Variants in FBXW10B observed in about 807,000 individuals in gnomAD.
FBXW10B encodes the protein F-box and WD repeat domain containing protein 10B.
the FBXW10B span, among the ~76,000 whole-genome samples, chr17:15,575,250 G>A: frequency 6.8e-6 from 1 of 146,718 alleles, no homozygotes; most frequent in South Asian, 2.1e-4. Flanking sequence ...GGGTCCTTGG[G>A]ACCCCTTTTC....
At chr17:15,615,799 T>C in the FBXW10B span, 2 of 1,613,830 alleles carry the variant, frequency 1.2e-6, no homozygotes. Context: ...CTGTGATGTC[T>C]TGATTGAGCC....
chr17:15,608,893 A>AT, the FBXW10B span, among the ~76,000 whole-genome samples: 1 of 152,160 alleles, frequency 6.6e-6, no homozygotes, highest in East Asian at 1.9e-4. Context: ...AAAGGAAATC[A>AT]TTTTATCAAG....
At chr17:15,576,518 G>C in the FBXW10B span, among the ~76,000 whole-genome samples, 5 of 152,270 alleles carry the variant, frequency 3.3e-5, no homozygotes, top group South Asian at 2.1e-4. Flanking sequence ...AGAGTGGACA[G>C]TGAAAGCTTC....
chr17:15,592,852 C>T, the FBXW10B span, among the ~76,000 whole-genome samples: 1 of 152,102 alleles, frequency 6.6e-6, no homozygotes, highest in Non-Finnish European at 1.5e-5. Flanking sequence ...CACCTGTAAT[C>T]CCAGCGCTTT....
At chr17:15,614,994 T>C in the FBXW10B span, among the ~76,000 whole-genome samples, 1 of 152,174 alleles carries the variant, frequency 6.6e-6, no homozygotes, top group Non-Finnish European at 1.5e-5. Flanking sequence ...GACTAGATGA[T>C]GGATTGTGGC....
At chr17:15,592,670 C>T in the FBXW10B span, among the ~76,000 whole-genome samples, 15 of 151,732 alleles carry the variant, frequency 9.9e-5, no homozygotes, top group Non-Finnish European at 1.2e-4. Flanking sequence ...AGTGAGGCAT[C>T]AAAGATAGCT....
the FBXW10B span, among the ~76,000 whole-genome samples, chr17:15,604,190 G>C: frequency 4.6e-5 from 7 of 151,474 alleles, no homozygotes; most frequent in Admixed American, 4.6e-4. Flanking sequence ...GTGAAAATAA[G>C]TTAATTACTG....
At chr17:15,583,297 C>A in the FBXW10B span, among the ~76,000 whole-genome samples, 2 of 128,886 alleles carry the variant, frequency 1.6e-5, no homozygotes, top group African/African-American at 2.7e-5. Flanking sequence ...TCCACCCTTT[C>A]CGCCCATCTC....
the FBXW10B span, among the ~76,000 whole-genome samples, chr17:15,611,148 C>T: frequency 1.3e-5 from 2 of 151,776 alleles, no homozygotes; most frequent in South Asian, 2.1e-4. Flanking sequence ...CTCAGCCTCC[C>T]GAGTAGATGG....
At chr17:15,589,689 C>T in the FBXW10B span, among the ~76,000 whole-genome samples, 1 of 151,988 alleles carries the variant, frequency 6.6e-6, no homozygotes, top group Admixed American at 6.6e-5. Context: ...GTTTCACAGT[C>T]TAATTAGTCA....
the FBXW10B span, among the ~76,000 whole-genome samples, chr17:15,577,874 A>T: frequency 1.3e-5 from 2 of 151,792 alleles, no homozygotes; most frequent in Admixed American, 6.6e-5. Flanking sequence ...GCATAAGGGG[A>T]TGGGCAGCCA....
the FBXW10B span, among the ~76,000 whole-genome samples, chr17:15,585,442 G>A: frequency 6.6e-6 from 1 of 152,164 alleles, no homozygotes; most frequent in African/African-American, 2.4e-5. Context: ...AACTCACAGA[G>A]TCCTGGGAAT....
the FBXW10B span, among the ~76,000 whole-genome samples, chr17:15,591,963 G>A: frequency 6.6e-6 from 1 of 152,106 alleles, no homozygotes; most frequent in Non-Finnish European, 1.5e-5. Context: ...TCCGGAACTT[G>A]CCCTCCCTGT....
At chr17:15,618,325 CA>C in the FBXW10B span, among the ~76,000 whole-genome samples, 108 of 145,744 alleles carry the variant, frequency 7.4e-4, 2 homozygotes, top group East Asian at 0.018. Context: ...GACTCCATCT[CA>C]AAAAAAAAAG....
chr17:15,599,882 A>G, the FBXW10B span, among the ~76,000 whole-genome samples: 1 of 151,808 alleles, frequency 6.6e-6, no homozygotes, highest in African/African-American at 2.4e-5. Flanking sequence ...TTACTGAACT[A>G]CCACTTACCT....
chr17:15,603,942 T>C, the FBXW10B span, among the ~76,000 whole-genome samples: 1 of 139,908 alleles, frequency 7.1e-6, no homozygotes, highest in Non-Finnish European at 1.5e-5. Flanking sequence ...TAGCCTGGTG[T>C]GGTGGCGGGC....
chr17:15,577,538 A>G, the FBXW10B span, among the ~76,000 whole-genome samples: 1 of 152,080 alleles, frequency 6.6e-6, no homozygotes, highest in Non-Finnish European at 1.5e-5. Flanking sequence ...ATAAATATGA[A>G]TATGAAGAGT....
chr17:15,593,633 T>TA, the FBXW10B span: 6 of 1,129,066 alleles, frequency 5.3e-6, no homozygotes, highest in Non-Finnish European at 7.4e-6. Flanking sequence ...CTGCCTTTTT[T>TA]TTTTTTTTTT....
the FBXW10B span, among the ~76,000 whole-genome samples, chr17:15,602,113 A>T: frequency 1.0e-5 from 1 of 98,284 alleles, no homozygotes; most frequent in African/African-American, 4.3e-5. Context: ...CTCCGTCTTA[A>T]AAAAAAAAAA....
Sources: allele counts gnomAD v4.1 joint callset (sites outside exome capture counted in the v4.1 genomes callset), GRCh38; gene constraint gnomAD v4.1.1; transcripts MANE v1.5; gene names NCBI Gene and HGNC (gene_info 2026-07-23, HGNC 2026-07-21).